MAST3: variants seen among roughly 807,000 people sequenced by gnomAD.
The protein encoded by MAST3 is microtubule associated serine/threonine kinase 3.
MAST3 carries 43 observed loss-of-function variants against 127.0 expected under a neutral mutation model. The ratio of observed to expected loss-of-function variants is 0.34; its 90% CI spans 0.27 to 0.44. MAST3 has a LOEUF of 0.44. Ranked by LOEUF, MAST3 falls within the 20% of genes least tolerant of loss-of-function variation. MAST3 has a pLI of 1.00. For synonymous variants in MAST3, 785 were observed against 809.2 expected (o/e 0.97, Z 0.51); for missense variants, 1,390 against 1,919.1 (o/e 0.72, Z 5.15).
Position 18,122,764 on chromosome 19 carries a change from C to T in MAST3, c.399+13C>T, listed in dbSNP as rs1568567579. 6.2e-7 allele frequency: 1 copy of T among 1,611,586 alleles called. No individual in the cohort carries two copies. On this transcript the variant is annotated intron_variant, in intron 6 of 27. Coordinates refer to ENST00000687212, the MANE Select transcript of MAST3 (RefSeq NM_001393504.1). ...CTCCACCCTCTCGGTACCCATAGCC[C>T]CACCTTGGCAGGTGGACAGGCAGAT...
intron 1 of MAST3, among the ~76,000 whole-genome samples, chr19:18,099,377 G>C (rs2037352256): frequency 6.6e-6 from 1 of 151,592 alleles, no homozygotes; most frequent in African/African-American, 2.4e-5. Flanking sequence ...TGTTGGTGGG[G>C]GGGCAGTCCC....
intron 1 of MAST3, among the ~76,000 whole-genome samples, chr19:18,098,435 G>A (rs1286206933): frequency 6.6e-6 from 1 of 152,144 alleles, no homozygotes; most frequent in African/African-American, 2.4e-5. Flanking sequence ...TGTGACCTGG[G>A]GGGAGGGCAC....
At chr19:18,141,599 C>T (rs950967633) in intron 20 of MAST3, among the ~76,000 whole-genome samples, 1 of 152,010 alleles carries the variant, frequency 6.6e-6, no homozygotes, top group Non-Finnish European at 1.5e-5. Flanking sequence ...TCTTGAACGC[C>T]TGACCTCAAG....
chr19:18,104,383 C>T (rs978603739), intron 1 of MAST3, among the ~76,000 whole-genome samples: 2 of 151,748 alleles, frequency 1.3e-5, no homozygotes, highest in East Asian at 1.9e-4. Flanking sequence ...ATTCTCCTCC[C>T]ATCGTGACAG....
intron 15 of MAST3, among the ~76,000 whole-genome samples, chr19:18,134,233 T>C (rs1013491538): frequency 5.9e-5 from 9 of 151,818 alleles, no homozygotes; most frequent in African/African-American, 2.2e-4. Flanking sequence ...AATATATATA[T>C]ATATACACAC....
Position 18,143,793 on chromosome 19 carries a change from C to T in MAST3, c.2370C>T (p.Ser790=). ...RLRSWTSSGS[S]CQSSSSQPER... is the part of the protein sequence containing the mutation. ...GGTCCTGGACATCCTCTGGATCCTC[C>T]TGTCAGTCATCTTCGTCCCAGCCCG... Residue 790 remains serine (S), a synonymous_variant, in exon 22 of 28, where the codon TCC becomes TCT. Coordinates refer to ENST00000687212, the MANE Select transcript of MAST3 (RefSeq NM_001393504.1). The T allele has an allele frequency of 6.2e-7, 1 of 1,613,762 alleles. No individual in the cohort carries two copies. Among genetic ancestry groups the T allele is most frequent in the Non-Finnish European group, 8.5e-7 (1 of 1,179,840 alleles).
In MAST3 at chr19:18,137,253, G is replaced by C. The variant is rs766821176; in HGVS notation, c.1987G>C (p.Val663Leu). The C allele has an allele frequency of 6.2e-7, 1 of 1,613,678 alleles. No individual in the cohort carries two copies. The change falls in exon 19 of 28, where the codon GTG becomes CTG. Residue 663 changes from valine to leucine, a missense_variant. Transcript: ENST00000687212. ...CATATCTGCAGGTGGCACCCACGAA[G>C]TGAAGCAGCACCCCTTTTTCCTGGC... ...DRLGTGGTHE[V>L]KQHPFFLALD...
Position 18,134,969 on chromosome 19 carries a change from T to A in MAST3, c.1857T>A (p.Gly619=). 6.2e-7 allele frequency: 1 copy of A among 1,610,654 alleles called. No individual in the cohort carries two copies. The highest frequency in any genetic ancestry group is 8.5e-7 in the Non-Finnish European group (1 of 1,177,650). Residue 619 remains glycine (G), a synonymous_variant, in exon 17 of 28, where the codon GGT becomes GGA. Coordinates refer to ENST00000687212, the MANE Select transcript of MAST3 (RefSeq NM_001393504.1). The part of the protein sequence containing the change: ...FFGDTPEELF[G]QVVSDEIMWP... ...GAGATACCCCCGAGGAACTCTTCGG[T>A]CAGGTGGTCAGCGGTGCGTTTCCTC...
At position 18,144,062 on chromosome 19, in the gene MAST3, G is replaced by T; in HGVS notation, c.2584+55G>T. ...TGTCATGGAAGTTTCCCAGAGGAGGGGCTATTTGAGATGGGTTTTCAAGGA... is the reference window on the plus strand; with the variant it reads ...TGTCATGGAAGTTTCCCAGAGGAGGTGCTATTTGAGATGGGTTTTCAAGGA... On this transcript the variant is annotated intron_variant, in intron 22 of 27. Coordinates refer to ENST00000687212, the MANE Select transcript of MAST3 (RefSeq NM_001393504.1). This position sits in a 1 kb window ranked among gnomAD's most constrained non-coding sequence, Gnocchi z 4.0. 6.5e-7 allele frequency: 1 copy of T among 1,534,036 alleles called. No individual in the cohort carries two copies. Among genetic ancestry groups the T allele is most frequent in the Non-Finnish European group, 8.8e-7 (1 of 1,141,220 alleles).
At chr19:18,113,568 T>C (rs2038892117) in intron 3 of MAST3, among the ~76,000 whole-genome samples, 1 of 151,918 alleles carries the variant, frequency 6.6e-6, no homozygotes, top group African/African-American at 2.4e-5. Flanking sequence ...TCAAATGATT[T>C]TCCTGCCTCA....
chr19:18,142,833 A>G (rs2042649854), intron 21 of MAST3, among the ~76,000 whole-genome samples: 1 of 151,764 alleles, frequency 6.6e-6, no homozygotes, highest in East Asian at 2.0e-4. Flanking sequence ...TTTGTAGGCC[A>G]GGTGCAGTGA....
intron 3 of MAST3, among the ~76,000 whole-genome samples, chr19:18,113,110 G>T (rs2038822705): frequency 6.6e-6 from 1 of 152,092 alleles, no homozygotes; most frequent in African/African-American, 2.4e-5. Context: ...TGGGAGGGGA[G>T]GGAGGAAGTA....
At position 18,130,518 on chromosome 19, in the gene MAST3, T is replaced by C; in HGVS notation, c.1248T>C (p.Arg416=). The part of the protein sequence containing the change: ...AYGAVYLVRH[R]DTRQRFAIKK... ...GGGCCGTCTACCTGGTGCGGCACCG[T>C]GACACACGGCAGCGCTTTGCCATCA... The change falls in exon 14 of 28, where the codon CGT becomes CGC. Residue 416 remains arginine (R), a synonymous_variant. Coordinates refer to ENST00000687212, the MANE Select transcript of MAST3 (RefSeq NM_001393504.1). 2 of 1,607,612 alleles carry C rather than the reference T, an allele frequency of 1.2e-6. No homozygotes were observed. Among genetic ancestry groups the C allele is most frequent in the Non-Finnish European group, 1.7e-6 (2 of 1,176,896 alleles).
chr19:18,131,506 C>T (rs1461255543), intron 14 of MAST3, among the ~76,000 whole-genome samples: 2 of 139,908 alleles, frequency 1.4e-5, no homozygotes, highest in Admixed American at 7.1e-5. Flanking sequence ...CGAGACCATC[C>T]TGACCAACAT....
intron 3 of MAST3, among the ~76,000 whole-genome samples, chr19:18,119,900 A>T (rs1391136247): frequency 6.6e-6 from 1 of 152,012 alleles, no homozygotes; most frequent in Non-Finnish European, 1.5e-5. Flanking sequence ...CCGAGACTTC[A>T]TCTCTCCCTC....
chr19:18,130,501 T>C lies in MAST3; in HGVS notation c.1231T>C (p.Tyr411His). The C allele has an allele frequency of 1.9e-6, 3 of 1,600,322 alleles. No individual in the cohort carries two copies. The highest frequency in any genetic ancestry group is 2.6e-6 in the Non-Finnish European group (3 of 1,173,164). ...LISNGAYGAV[Y>H]LVRHRDTRQR... ...CTGGCCCTCTGTCCCCAGGGCCGTC[T>C]ACCTGGTGCGGCACCGTGACACACG... The change falls in exon 14 of 28, where the codon TAC (tyrosine) becomes CAC (histidine). Residue 411 changes from tyrosine to histidine, a missense_variant. Around this residue, in one of 5 missense-constraint regions of MAST3, gnomAD observed 277 missense variants for 384.8 expected, o/e 0.72. Transcript: ENST00000687212.
rs536401120 is a variant in MAST3 at position 18,146,877 on chromosome 19, G to A, written c.3163-4G>A. 41 of 1,549,274 alleles carry A rather than the reference G, an allele frequency of 2.6e-5. No homozygotes were observed. The highest frequency in any genetic ancestry group is 3.6e-5 in the South Asian group (3 of 83,794). ...GAGGCAACCCCTCACCATCCCTCCCGCAGAGCGGCAACAAGATATCCCTGC... is the reference window on the plus strand; with the variant it reads ...GAGGCAACCCCTCACCATCCCTCCCACAGAGCGGCAACAAGATATCCCTGC... On this transcript the variant is annotated splice_polypyrimidine_tract_variant and splice_region_variant and intron_variant, in intron 25 of 27. Transcript: ENST00000687212.
At chr19:18,139,912 C>T (rs1178950888) in intron 20 of MAST3, among the ~76,000 whole-genome samples, 2 of 147,534 alleles carry the variant, frequency 1.4e-5, no homozygotes, top group African/African-American at 2.5e-5. Context: ...CTCCGCCTCC[C>T]GGGTTCACGC....
rs2043399020 is a variant in MAST3 at position 18,149,758 on chromosome 19, T to TTACC, written c.*35_*36insCTAC. 7 of 1,606,908 alleles carry TTACC rather than the reference T, an allele frequency of 4.4e-6. No homozygotes were observed. Among genetic ancestry groups the TTACC allele is most frequent in the Non-Finnish European group, 5.9e-6 (7 of 1,178,688 alleles). ...GCCAGGTCTCTCCCTGGCATCAAAG[T>TTACC]TACGCGTTTTCTTGTGCAATGTTTT... is the stretch of plus-strand genomic sequence containing the variant. On this transcript the variant is annotated 3_prime_UTR_variant, in exon 28 of 28. Coordinates refer to ENST00000687212, the MANE Select transcript of MAST3 (RefSeq NM_001393504.1). This position sits in a 1 kb window ranked among gnomAD's most constrained non-coding sequence, Gnocchi z 5.9.
Sources: gnomAD v4.1 joint callset for allele counts (sites outside exome capture counted in the v4.1 genomes callset) on GRCh38, gnomAD v4.1.1 for gene constraint, gnomAD v4.1.1 regional missense constraint, Gnocchi (gnomAD v3.1) non-coding constraint, MANE v1.5 for transcripts, NCBI Gene and HGNC (gene_info 2026-07-23, HGNC 2026-07-21) for gene names.